JAM3: variants seen among roughly 807,000 people sequenced by gnomAD.
JAM3 encodes the protein junctional adhesion molecule 3, also known as junctional adhesion molecule C.
A neutral mutation model predicts 39.4 loss-of-function variants in JAM3; 31 were observed. The ratio of observed to expected loss-of-function variants is 0.79; its 90% CI spans 0.59 to 1.06. The LOEUF (loss-of-function observed/expected upper bound fraction) is 1.06. Ranked by LOEUF, JAM3 falls within the 50% of genes least tolerant of loss-of-function variation. The pLI is 0.00. For missense variants in JAM3, 455 were observed against 391.4 expected (o/e 1.16, Z -1.37); for synonymous variants, 182 against 148.7 (o/e 1.22, Z -1.63).
intron 1 of JAM3, among the ~76,000 whole-genome samples, chr11:134,095,604 C>CT (rs200770129): frequency 0.024 from 3,677 of 150,824 alleles, 153 homozygotes; most frequent in African/African-American, 0.085. Flanking sequence ...GCACTCCAGC[C>CT]TGGCGACAGA....
chr11:134,087,024 C>CT (rs1207421300), intron 1 of JAM3, among the ~76,000 whole-genome samples: 1 of 152,070 alleles, frequency 6.6e-6, no homozygotes, highest in Non-Finnish European at 1.5e-5. Context: ...AGGCTGGTCT[C>CT]AAACCCATGG....
In JAM3 at chr11:134,149,955, GATT is replaced by G. The variant is rs1398331374; in HGVS notation, c.*778_*780del. ...TAAATTTTTGCTAAGGATGTATTTTGATTATTGAAAAGAAAATTTCTATTTAAA... is the reference window on the plus strand; with the variant it reads ...TAAATTTTTGCTAAGGATGTATTTTGATTGAAAAGAAAATTTCTATTTAAA... On this transcript the variant is annotated 3_prime_UTR_variant, in exon 9 of 9. Transcript: ENST00000299106. 1.8e-5 allele frequency: 3 copies of G among 166,716 alleles called. No homozygotes were observed. Among genetic ancestry groups the G allele is most frequent in the South Asian group, 2.9e-4 (2 of 6,782 alleles). The allele number at this position is 166,716 out of a possible 1,614,324, so 10.3% of individuals were successfully genotyped here.
chr11:134,135,027 C>G (rs746071593), intron 1 of JAM3, among the ~76,000 whole-genome samples: 4 of 151,808 alleles, frequency 2.6e-5, no homozygotes, highest in Non-Finnish European at 5.9e-5. Context: ...CTATTTTGTT[C>G]TTTTGTTGTC....
intron 1 of JAM3, among the ~76,000 whole-genome samples, chr11:134,115,347 A>G (rs1039092120): frequency 6.6e-6 from 1 of 152,092 alleles, no homozygotes; most frequent in African/African-American, 2.4e-5. Context: ...TGTTTAGACT[A>G]TTTACATTGC....
Position 134,117,333 on chromosome 11 carries a change from C to T in JAM3, c.77-22518C>T, listed in dbSNP as rs1942455057. Among the ~76,000 whole-genome samples, 2 of 152,172 alleles carry T rather than the reference C, an allele frequency of 1.3e-5. 1 individual carries two copies. Among genetic ancestry groups the T allele is most frequent in the East Asian group, 3.8e-4 (2 of 5,200 alleles). ...CGGAGGTTGCACTGAGCTGAGATCACACCATTGCACTCCAGCCTGGGCGAC... is the reference window on the plus strand; with the variant it reads ...CGGAGGTTGCACTGAGCTGAGATCATACCATTGCACTCCAGCCTGGGCGAC... On this transcript the variant is annotated intron_variant, in intron 1 of 8. Coordinates refer to ENST00000299106, the MANE Select transcript of JAM3 (RefSeq NM_032801.5).
intron 1 of JAM3, among the ~76,000 whole-genome samples, chr11:134,115,689 C>T (rs866462381): frequency 2.0e-5 from 3 of 151,740 alleles, no homozygotes; most frequent in East Asian, 1.9e-4. Flanking sequence ...ATTACTTGAG[C>T]CCAGGAGTTT....
intron 1 of JAM3, among the ~76,000 whole-genome samples, chr11:134,130,949 G>A (rs1486399538): frequency 6.6e-6 from 1 of 152,208 alleles, no homozygotes; most frequent in Non-Finnish European, 1.5e-5. Flanking sequence ...GACGCCTGAA[G>A]AGATTCTGGC....
At chr11:134,101,939 G>A (rs1942082673) in intron 1 of JAM3, among the ~76,000 whole-genome samples, 1 of 152,164 alleles carries the variant, frequency 6.6e-6, no homozygotes, top group Admixed American at 6.6e-5. Flanking sequence ...GTACACATCT[G>A]TATTCCCAAG....
At chr11:134,117,080 G>A (rs540976062) in intron 1 of JAM3, among the ~76,000 whole-genome samples, 2 of 151,960 alleles carry the variant, frequency 1.3e-5, no homozygotes, top group East Asian at 1.9e-4. Context: ...AACAATCCAC[G>A]GCCAGGCACA....
intron 1 of JAM3, among the ~76,000 whole-genome samples, chr11:134,124,593 A>T (rs1942606979): frequency 6.6e-6 from 1 of 152,222 alleles, no homozygotes; most frequent in Admixed American, 6.5e-5. Flanking sequence ...AAAAAAATCC[A>T]ACTACATAAG....
At chr11:134,132,136 A>C (rs950595021) in intron 1 of JAM3, among the ~76,000 whole-genome samples, 1 of 152,238 alleles carries the variant, frequency 6.6e-6, no homozygotes, top group African/African-American at 2.4e-5. Context: ...ACACTGAGAC[A>C]CATGATCAAA....
At chr11:134,113,959 C>T (rs12286100) in intron 1 of JAM3, among the ~76,000 whole-genome samples, 10,034 of 152,012 alleles carry the variant, frequency 0.066, 358 homozygotes, top group Middle Eastern at 0.1. Context: ...ATGAGCATTT[C>T]TTCATGTGTC....
intron 1 of JAM3, chr11:134,123,805 C>T: frequency 1.3e-6 from 1 of 744,720 alleles, no homozygotes; most frequent in South Asian, 1.4e-5. Flanking sequence ...ATCAAGTGAG[C>T]CTTCATTTAC....
chr11:134,085,775 T>A (rs1408161420), intron 1 of JAM3, among the ~76,000 whole-genome samples: 1 of 152,226 alleles, frequency 6.6e-6, no homozygotes, highest in Admixed American at 6.5e-5. Context: ...ATTTGGAACA[T>A]CATATACATA....
At position 134,144,188 on chromosome 11, in the gene JAM3, G is replaced by T. The variant is rs889683623; in HGVS notation, c.257-53G>T. ...TAGCCCCAGAAACCACCCTCTTCAA[G>T]TGGCAAAGATTTCTTTAAAGAAGTT... On this transcript the variant is annotated intron_variant, in intron 3 of 8. Transcript: ENST00000299106. The T allele has an allele frequency of 1.9e-6, 3 of 1,606,696 alleles. No individual in the cohort carries two copies. In the African/African-American group the frequency reaches 4.0e-5, roughly 21 times the overall value.
At chr11:134,117,406 C>T (rs756590890) in intron 1 of JAM3, among the ~76,000 whole-genome samples, 5 of 151,896 alleles carry the variant, frequency 3.3e-5, no homozygotes, top group Admixed American at 1.3e-4. Context: ...TCCAAATTGG[C>T]GGGGAAGAAG....
chr11:134,125,910 C>T (rs1397209189), intron 1 of JAM3, among the ~76,000 whole-genome samples: 1 of 152,200 alleles, frequency 6.6e-6, no homozygotes, highest in Admixed American at 6.5e-5. Flanking sequence ...TCATTTTCCT[C>T]TTCAGCAGAA....
At chr11:134,085,689 A>C (rs374491386) in intron 1 of JAM3, among the ~76,000 whole-genome samples, 3 of 152,212 alleles carry the variant, frequency 2.0e-5, no homozygotes, top group Admixed American at 6.5e-5. Context: ...GGCAATATGC[A>C]CTTCCTCTGT....
chr11:134,078,242 C>T (rs1941605601), intron 1 of JAM3, among the ~76,000 whole-genome samples: 2 of 152,232 alleles, frequency 1.3e-5, no homozygotes. Flanking sequence ...GCCTCAGCCT[C>T]CTGAGTAGCT....
Sources: gnomAD v4.1 joint callset for allele counts (sites outside exome capture counted in the v4.1 genomes callset) on GRCh38, gnomAD v4.1.1 for gene constraint, MANE v1.5 for transcripts, NCBI Gene and HGNC (gene_info 2026-07-23, HGNC 2026-07-21) for gene names.